The following MAP2K4 variants were observed in gnomAD, a reference collection of about 807,000 sequenced individuals.
MAP2K4 encodes the protein dual specificity mitogen-activated protein kinase kinase 4.
MAP2K4 carries 4 observed loss-of-function variants against 48.5 expected under a neutral mutation model. The observed-to-expected ratio is 0.08, with a 90% CI of 0.04 to 0.19. The LOEUF is 0.19. Among genes scored for constraint, MAP2K4 ranks in the 10% least tolerant of loss-of-function variants. The pLI is 1.00. For missense variants in MAP2K4, 258 were observed against 493.3 expected, an observed-to-expected ratio of 0.52 and a Z score of 4.52; for synonymous variants, 166 against 173.1, an observed-to-expected ratio of 0.96 and a Z score of 0.32.
chr17:12,097,797 C>T (rs569896968), intron 4 of MAP2K4, among the ~76,000 whole-genome samples: 49 of 152,264 alleles, frequency 3.2e-4, no homozygotes, highest in African/African-American at 1.1e-3. Flanking sequence ...AGAAATCTTG[C>T]TGTTCCTTCT....
At chr17:12,037,083 T>C (rs991949239) in intron 1 of MAP2K4, among the ~76,000 whole-genome samples, 1 of 152,142 alleles carries the variant, frequency 6.6e-6, no homozygotes, top group African/African-American at 2.4e-5. Context: ...AGGATATTTA[T>C]TTAGAAGATT....
intron 9 of MAP2K4, among the ~76,000 whole-genome samples, chr17:12,135,742 G>T (rs570452377): frequency 5.7e-4 from 86 of 151,864 alleles, no homozygotes; most frequent in Non-Finnish European, 9.1e-4. Flanking sequence ...TACAGACAGG[G>T]TTTTGCCACG....
Position 12,042,212 on chromosome 17 carries a change from G to T in MAP2K4, c.116-12677G>T, listed in dbSNP as rs568719716. ...AAAAGGTACCATGTAGTAGTAACAG[G>T]TTATTTGAAGGCTCTCTAAATGGTC... On this transcript the variant is annotated intron_variant, in intron 1 of 10. Coordinates refer to ENST00000353533, the MANE Select transcript of MAP2K4 (RefSeq NM_003010.4). Among the ~76,000 whole-genome samples the T allele has an allele frequency of 2.0e-5, 3 of 147,650 alleles. No homozygotes were observed. In the South Asian group the frequency reaches 6.5e-4, roughly 32 times the overall value.
rs1465328146 is a variant in MAP2K4, at chr17:12,142,591, C to T, written c.*1331C>T. ...CATCTTTTCTAGAGACACATTGGAC[C>T]AGATGAGGATCCGAAACGGCAGCCT... On this transcript the variant is annotated 3_prime_UTR_variant, in exon 11 of 11. Transcript: ENST00000353533. 4.3e-6 allele frequency: 1 copy of T among 232,940 alleles called. No individual in the cohort carries two copies. Among genetic ancestry groups the T allele is most frequent in the Non-Finnish European group, 8.5e-6 (1 of 117,954 alleles). 14.4% of individuals were successfully genotyped at this position (232,940 alleles called of 1,614,324 possible). A position where few individuals can be genotyped will look rare whatever the true frequency, so the allele number is the denominator to read the frequency against.
chr17:12,127,985 A>G (rs955900969), intron 8 of MAP2K4, among the ~76,000 whole-genome samples: 3 of 152,212 alleles, frequency 2.0e-5, no homozygotes, highest in African/African-American at 7.2e-5. Context: ...ATCCTCATGT[A>G]TCAGTCACCT....
chr17:12,102,745 C>A lies in MAP2K4; in HGVS notation c.514-5045C>A, dbSNP rs1000999777. 2.0e-5 allele frequency among the ~76,000 whole-genome samples: 3 copies of A among 151,912 alleles called. No homozygotes were observed. In the East Asian group the frequency reaches 5.8e-4, roughly 29 times the overall value. ...AGTTACGTATTTCTTGTCGAGTGAT[C>A]TTTGGTATTTGTTTCTTTGAAGAAA... On this transcript the variant is annotated intron_variant, in intron 4 of 10. Transcript: ENST00000353533.
At chr17:12,087,326 T>A (rs557881270) in intron 3 of MAP2K4, among the ~76,000 whole-genome samples, 1 of 152,222 alleles carries the variant, frequency 6.6e-6, no homozygotes, top group Non-Finnish European at 1.5e-5. Context: ...GAAATGATGA[T>A]CTGTCATTTA....
intron 8 of MAP2K4, among the ~76,000 whole-genome samples, chr17:12,127,937 C>T (rs1457953876): frequency 6.6e-6 from 1 of 152,244 alleles, no homozygotes; most frequent in Non-Finnish European, 1.5e-5. Context: ...CTCTCTCTTC[C>T]TGTATGCCAT....
chr17:12,125,434 G>T (rs1019234972), intron 8 of MAP2K4, 63 bp downstream of exon 8: 103 of 1,368,028 alleles, frequency 7.5e-5, no homozygotes, highest in Non-Finnish European at 9.3e-5. Flanking sequence ...AGAAGTGAAA[G>T]AAAACTTAAT....
At position 12,020,878 on chromosome 17, in the gene MAP2K4, CTCCCAACAA is replaced by C. The variant is rs1213773442; in HGVS notation, c.-7_2del. 1 of 1,189,920 alleles carries C rather than the reference CTCCCAACAA, an allele frequency of 8.4e-7. No individual in the cohort carries two copies. The highest frequency in any genetic ancestry group is 1.6e-5 in the African/African-American group (1 of 63,138). The allele number at this position is 1,189,920 out of a possible 1,614,324, so 73.7% of individuals were successfully genotyped here. A position where few individuals can be genotyped will look rare whatever the true frequency, so the allele number is the denominator to read the frequency against. The stretch of plus-strand genomic sequence containing the variant: ...CGCCGCGGCGCCGCTCGGCTCTTCA[CTCCCAACAA>C]TGGCGGCTCCGAGCCCGAGCGGCGG... On this transcript the variant is annotated start_lost and 5_prime_UTR_variant, in exon 1 of 11. Transcript: ENST00000353533.
chr17:12,058,052 GTA>G (rs1275844561), intron 2 of MAP2K4, among the ~76,000 whole-genome samples: 1 of 151,500 alleles, frequency 6.6e-6, no homozygotes, highest in African/African-American at 2.4e-5. Context: ...TTTTCTGTGA[GTA>G]TTTTGAGAGC....
rs76932126 is a variant in MAP2K4 at position 12,031,800 on chromosome 17, T to C, written c.115+10799T>C. Reference sequence around the variant, plus strand: ...GTTAGCTAATTTACTAGGAAATGTTTTATGTGTGTGTAAGTTTCACAATTT... The same window carrying C: ...GTTAGCTAATTTACTAGGAAATGTTCTATGTGTGTGTAAGTTTCACAATTT... On this transcript the variant is annotated intron_variant, in intron 1 of 10. Transcript: ENST00000353533. Among the ~76,000 whole-genome samples the C allele has an allele frequency of 8.9e-3, 1,354 of 152,288 alleles. 20 individuals carry two copies. Among genetic ancestry groups the C allele is most frequent in the African/African-American group, 0.031 (1,296 of 41,556 alleles).
chr17:12,084,448 C>T (rs1053538773), intron 3 of MAP2K4, among the ~76,000 whole-genome samples: 1 of 152,154 alleles, frequency 6.6e-6, no homozygotes, highest in African/African-American at 2.4e-5. Flanking sequence ...AATGACTAGT[C>T]TTAGGGCTGC....
Position 12,129,135 on chromosome 17 carries a change from T to C in MAP2K4, c.892-4T>C. The stretch of plus-strand genomic sequence containing the variant: ...TTTTGCTCTTTCCTCTTTGTTCTCT[T>C]TAGTATGAGTTGGCCACAGGCCGAT... On this transcript the variant is annotated splice_region_variant and splice_polypyrimidine_tract_variant and intron_variant, in intron 8 of 10. Transcript: ENST00000353533. The C allele has an allele frequency of 6.2e-7, 1 of 1,613,506 alleles. No homozygotes were observed. The highest frequency in any genetic ancestry group is 1.8e-4 in the Middle Eastern group (1 of 5,610).
intron 2 of MAP2K4, among the ~76,000 whole-genome samples, chr17:12,059,645 C>T (rs1164463587): frequency 6.6e-6 from 1 of 152,130 alleles, no homozygotes; most frequent in African/African-American, 2.4e-5. Flanking sequence ...TCTCTTTAGA[C>T]CAGAGGATCT....
chr17:12,099,900 T>C (rs988500339), intron 4 of MAP2K4, among the ~76,000 whole-genome samples: 1 of 152,226 alleles, frequency 6.6e-6, no homozygotes, highest in Non-Finnish European at 1.5e-5. Context: ...TAAATTCTAG[T>C]GCAGAAAGCA....
At chr17:12,125,443 A>G in intron 8 of MAP2K4, 72 bp downstream of exon 8, 1 of 1,205,420 alleles carries the variant, frequency 8.3e-7, no homozygotes, top group Non-Finnish European at 1.2e-6. Flanking sequence ...AGAAAACTTA[A>G]TCAGACTTCC....
At chr17:12,061,086 TA>T (rs1486632813) in intron 2 of MAP2K4, among the ~76,000 whole-genome samples, 36 of 152,326 alleles carry the variant, frequency 2.4e-4, no homozygotes, top group African/African-American at 7.5e-4. Context: ...ATTTTGTGTC[TA>T]GCTTATCTCA....
intron 2 of MAP2K4, among the ~76,000 whole-genome samples, chr17:12,063,356 A>G (rs1038062438): frequency 6.6e-6 from 1 of 152,178 alleles, no homozygotes; most frequent in African/African-American, 2.4e-5. Context: ...TGTATAGTCA[A>G]TTTATTTTTG....
Sources: allele counts gnomAD v4.1 joint callset (sites outside exome capture counted in the v4.1 genomes callset), GRCh38; gene constraint gnomAD v4.1.1; transcripts MANE v1.5; gene names NCBI Gene and HGNC (gene_info 2026-07-23, HGNC 2026-07-21).